AP4S1: variants seen among roughly 807,000 people sequenced by gnomAD.
The protein encoded by AP4S1 is AP-4 complex subunit sigma-1.
In AP4S1, 23 loss-of-function variants were observed where a neutral mutation model predicts 19.8. That is an observed-to-expected ratio of 1.16 (90% CI 0.84 to 1.65). The LOEUF is 1.65. Ranked by LOEUF, AP4S1 falls within the 40% of genes most tolerant of loss-of-function variation. The probability of loss-of-function intolerance (pLI) is 0.00; values close to 1 mark genes in which losing one functional copy is unlikely to be tolerated. For missense variants in AP4S1, 166 were observed against 172.8 expected, an observed-to-expected ratio of 0.96 and a Z score of 0.22; for synonymous variants, 46 against 54.1, an observed-to-expected ratio of 0.85 and a Z score of 0.66.
At chr14:31,073,078 TA>T (rs1887103046) in intron 4 of AP4S1, 105 bp downstream of exon 4, 1 of 1,002,582 alleles carries the variant, frequency 1.0e-6, no homozygotes, top group Admixed American at 1.9e-5. Flanking sequence ...AGAGTTTTAA[TA>T]AGTAAAAGTT....
rs1888155666 is a variant in AP4S1 at position 31,094,607 on chromosome 14, G to A, written c.*1572G>A. 6.7e-6 allele frequency: 1 copy of A among 149,626 alleles called. No individual in the cohort carries two copies. Among genetic ancestry groups the A allele is most frequent in the East Asian group, 2.0e-4 (1 of 4,886 alleles). The allele number at this position is 149,626 out of a possible 1,614,324, so 9.3% of individuals were successfully genotyped here. ...GAAACCCTGTCTCAAAAATAAAAAA[G>A]TCCGAGTGCGGTGGCTCAGGCCTGT... On this transcript the variant is annotated 3_prime_UTR_variant, in exon 6 of 6. Coordinates refer to ENST00000542754, the MANE Select transcript of AP4S1 (RefSeq NM_001128126.3).
intron 1 of AP4S1, among the ~76,000 whole-genome samples, chr14:31,029,648 T>C (rs1410812062): frequency 1.3e-5 from 2 of 152,040 alleles, no homozygotes; most frequent in East Asian, 1.9e-4. Context: ...CAAAACCCTG[T>C]CCCTACCAAA....
At chr14:31,046,539 G>T (rs926413234) in intron 1 of AP4S1, among the ~76,000 whole-genome samples, 13 of 151,966 alleles carry the variant, frequency 8.6e-5, no homozygotes, top group African/African-American at 9.7e-5. Flanking sequence ...ATTTCTCTTG[G>T]GTATATACTT....
At chr14:31,036,431 C>T (rs1884780255) in intron 1 of AP4S1, among the ~76,000 whole-genome samples, 1 of 152,070 alleles carries the variant, frequency 6.6e-6, no homozygotes, top group Non-Finnish European at 1.5e-5. Flanking sequence ...CAAAAAAATG[C>T]TTATTTGGGG....
chr14:31,030,539 G>C (rs1345052626), intron 1 of AP4S1, among the ~76,000 whole-genome samples: 1 of 152,110 alleles, frequency 6.6e-6, no homozygotes, highest in Non-Finnish European at 1.5e-5. Context: ...GTAGAGATGG[G>C]AGTCTCACTG....
At chr14:31,030,044 A>C (rs1197744045) in intron 1 of AP4S1, among the ~76,000 whole-genome samples, 1 of 151,548 alleles carries the variant, frequency 6.6e-6, no homozygotes, top group African/African-American at 2.4e-5. Context: ...GCAGTGGCAC[A>C]ATCTTGGCTC....
At chr14:31,055,293 C>G (rs12898167) in intron 1 of AP4S1, among the ~76,000 whole-genome samples, 22,371 of 151,940 alleles carry the variant, frequency 0.15, 1,807 homozygotes, top group African/African-American at 0.16. Flanking sequence ...ATTATCAGCT[C>G]TTTGTAGTTG....
intron 1 of AP4S1, among the ~76,000 whole-genome samples, chr14:31,065,692 G>A (rs1345194326): frequency 6.6e-6 from 1 of 151,744 alleles, no homozygotes; most frequent in Non-Finnish European, 1.5e-5. Context: ...ACAGGGTTTT[G>A]CTCTGTTGCC....
At chr14:31,036,876 C>T (rs1884806285) in intron 1 of AP4S1, among the ~76,000 whole-genome samples, 1 of 152,012 alleles carries the variant, frequency 6.6e-6, no homozygotes, top group Non-Finnish European at 1.5e-5. Context: ...TGCAGTGGTG[C>T]AATCTCGGCT....
intron 2 of AP4S1, among the ~76,000 whole-genome samples, chr14:31,068,127 T>C (rs1033327602): frequency 2.0e-5 from 3 of 152,078 alleles, no homozygotes; most frequent in African/African-American, 7.2e-5. Flanking sequence ...CTTGGCCTCC[T>C]AAAGTGCTGG....
chr14:31,073,443 T>C (rs1426806793), intron 4 of AP4S1, among the ~76,000 whole-genome samples: 1 of 139,434 alleles, frequency 7.2e-6, no homozygotes. Context: ...TGAGCCGAGA[T>C]CCCGCCACTG....
At chr14:31,038,208 C>T (rs1322581858) in intron 1 of AP4S1, among the ~76,000 whole-genome samples, 1 of 152,090 alleles carries the variant, frequency 6.6e-6, no homozygotes, top group South Asian at 2.1e-4. Flanking sequence ...GTGATTAGCT[C>T]AACTTTCTAA....
Position 31,058,517 on chromosome 14 carries a change from C to CTGTGTGTGTGTG in AP4S1, c.-71-7600_-71-7599insGTGTGTGTGTGT, listed in dbSNP as rs1241249693. ...GGTCATCAAAACATCTTCCCCATCT[C>CTGTGTGTGTGTG]TGTGTGTGTATGTGTGTGTGTGTGT... On this transcript the variant is annotated intron_variant, in intron 1 of 5. Transcript: ENST00000542754. Among the ~76,000 whole-genome samples, 119 of 139,452 alleles carry CTGTGTGTGTGTG rather than the reference C, an allele frequency of 8.5e-4. 2 individuals are homozygous for CTGTGTGTGTGTG. Among genetic ancestry groups the CTGTGTGTGTGTG allele is most frequent in the South Asian group, 2.2e-3 (9 of 4,058 alleles). The allele number at this position is 139,452 out of a possible 152,430, so 91.5% of individuals were successfully genotyped here. A position where few individuals can be genotyped will look rare whatever the true frequency, so the allele number is the denominator to read the frequency against.
At position 31,084,214 on chromosome 14, in the gene AP4S1, G is replaced by T. The variant is rs118153147; in HGVS notation, c.306+3630G>T. Among the ~76,000 whole-genome samples, 111 of 152,346 alleles carry T rather than the reference G, an allele frequency of 7.3e-4. No homozygotes were observed. In the East Asian group the frequency reaches 0.017, roughly 24 times the overall value. ...GTCAGCCCACATGGGACAGACGTGAGTTAAAGCTTGGTTTTGGTACAGGAG... is the reference window on the plus strand; with the variant it reads ...GTCAGCCCACATGGGACAGACGTGATTTAAAGCTTGGTTTTGGTACAGGAG... On this transcript the variant is annotated intron_variant, in intron 5 of 5. Transcript: ENST00000542754.
At chr14:31,082,753 G>T (rs563310881) in intron 5 of AP4S1, among the ~76,000 whole-genome samples, 37 of 152,236 alleles carry the variant, frequency 2.4e-4, no homozygotes, top group Admixed American at 6.5e-4. Context: ...AAAATTAGCC[G>T]GGCGCGGTGG....
At chr14:31,037,035 A>C (rs1368882905) in intron 1 of AP4S1, among the ~76,000 whole-genome samples, 1 of 151,590 alleles carries the variant, frequency 6.6e-6, no homozygotes, top group Admixed American at 6.6e-5. Flanking sequence ...GATGGTCTCG[A>C]TCTCTTGACC....
intron 4 of AP4S1, among the ~76,000 whole-genome samples, chr14:31,073,515 G>A (rs1594694551): frequency 2.0e-5 from 3 of 151,010 alleles, no homozygotes; most frequent in Admixed American, 1.3e-4. Context: ...CCTCTTATTT[G>A]TTTTCTCCCA....
chr14:31,080,811 C>T (rs1887598558), intron 5 of AP4S1, among the ~76,000 whole-genome samples: 2 of 152,104 alleles, frequency 1.3e-5, no homozygotes. Context: ...GATGGAGTTT[C>T]GCTCTTCTTG....
intron 4 of AP4S1, 135 bp downstream of exon 4, chr14:31,073,108 A>G (rs1210565231): frequency 1.2e-5 from 9 of 754,996 alleles, no homozygotes; most frequent in East Asian, 2.7e-5. Context: ...AGTGATGCCA[A>G]ATTTTCTTTA....
Sources: allele counts gnomAD v4.1 joint callset (sites outside exome capture counted in the v4.1 genomes callset), GRCh38; gene constraint gnomAD v4.1.1; transcripts MANE v1.5; gene names NCBI Gene and HGNC (gene_info 2026-07-23, HGNC 2026-07-21).